The following TINAG variants were observed in gnomAD, a reference collection of about 807,000 sequenced individuals.
TINAG encodes the protein tubulointerstitial nephritis antigen.
A neutral mutation model predicts 72.7 loss-of-function variants in TINAG; 83 were observed. That is an observed-to-expected ratio of 1.14 (90% CI 0.96 to 1.37). The LOEUF (loss-of-function observed/expected upper bound fraction) is 1.37. Among genes scored for constraint, TINAG ranks in the 40% most tolerant of loss-of-function variants. The pLI is 0.00. For missense variants in TINAG, 685 were observed against 576.6 expected (o/e 1.19, Z -1.93); for synonymous variants, 234 against 189.9 (o/e 1.23, Z -1.91).
chr6:54,333,619 A>T (rs55867762), intron 4 of TINAG, among the ~76,000 whole-genome samples: 39,128 of 151,150 alleles, frequency 0.26, 6,913 homozygotes, highest in East Asian at 0.54. Context: ...AGTATAATAA[A>T]AAAAAAAAAA....
intron 1 of TINAG, among the ~76,000 whole-genome samples, chr6:54,311,400 A>C (rs1211397220): frequency 6.6e-6 from 1 of 152,160 alleles, no homozygotes; most frequent in Non-Finnish European, 1.5e-5. Flanking sequence ...ACTGACTTGC[A>C]TGATATGGCA....
upstream of TINAG, chr6:54,308,415 C>T: frequency 1.4e-6 from 1 of 694,656 alleles, no homozygotes; most frequent in Non-Finnish European, 2.4e-6. Context: ...GAAGTATACT[C>T]ATTCAAGTAA....
intron 10 of TINAG, among the ~76,000 whole-genome samples, chr6:54,385,608 T>C (rs1764075314): frequency 6.6e-6 from 1 of 152,010 alleles, no homozygotes; most frequent in African/African-American, 2.4e-5. Context: ...TTTCAGGGAA[T>C]AGGAAATAAG....
intron 6 of TINAG, among the ~76,000 whole-genome samples, 154 bp downstream of exon 6, chr6:54,347,671 C>G (rs549399328): frequency 3.9e-4 from 60 of 152,146 alleles, no homozygotes; most frequent in East Asian, 5.8e-4. Flanking sequence ...TAAATGTATA[C>G]TATATTTCTT....
At chr6:54,352,134 A>G (rs1785280526) in intron 8 of TINAG, among the ~76,000 whole-genome samples, 1 of 151,854 alleles carries the variant, frequency 6.6e-6, no homozygotes, top group Non-Finnish European at 1.5e-5. Flanking sequence ...AATGAGGTCT[A>G]AAATGAAAAT....
chr6:54,358,641 C>A (rs545239863), intron 9 of TINAG, among the ~76,000 whole-genome samples: 3 of 151,676 alleles, frequency 2.0e-5, no homozygotes, highest in Admixed American at 6.6e-5. Context: ...TCAGATCAAC[C>A]TTTGCTGTTA....
In TINAG at chr6:54,343,266, T is replaced by G; in HGVS notation, c.665T>G (p.Val222Gly). 6.3e-7 allele frequency: 1 copy of G among 1,585,386 alleles called. No homozygotes were observed. The highest frequency in any genetic ancestry group is 8.6e-7 in the Non-Finnish European group (1 of 1,163,968). The change falls in exon 5 of 11, where the codon GTT becomes GGT. Residue 222 changes from valine (V) to glycine (G), a missense_variant. Transcript: ENST00000259782. ...ACAACTGATCTTCCAGAGTTTTTTG[T>G]TGCTTCTTATAAATGGCCTGGATGG... ...PATTDLPEFF[V>G]ASYKWPGWTH...
At chr6:54,362,145 A>G (rs1763256340) in intron 9 of TINAG, among the ~76,000 whole-genome samples, 1 of 151,742 alleles carries the variant, frequency 6.6e-6, no homozygotes, top group South Asian at 2.1e-4. Flanking sequence ...TGGCTACACT[A>G]AATAACAGAC....
At chr6:54,330,694 CAGAT>C (rs1419752033) in intron 4 of TINAG, among the ~76,000 whole-genome samples, 2 of 151,970 alleles carry the variant, frequency 1.3e-5, no homozygotes, top group Admixed American at 6.6e-5. Flanking sequence ...ATTAACAAAA[CAGAT>C]AGACCGCTAG....
chr6:54,329,524 C>A (rs1003329701), intron 4 of TINAG, among the ~76,000 whole-genome samples: 2 of 152,082 alleles, frequency 1.3e-5, no homozygotes, highest in African/African-American at 4.8e-5. Context: ...AAAAACATAT[C>A]AAAATTTAAA....
chr6:54,345,778 A>G (rs1271580279), intron 5 of TINAG, among the ~76,000 whole-genome samples: 1 of 152,094 alleles, frequency 6.6e-6, no homozygotes, highest in Non-Finnish European at 1.5e-5. Flanking sequence ...TTGAGCATCT[A>G]AAGGATGCCA....
At chr6:54,336,131 CCTT>C (rs1449128418) in intron 4 of TINAG, among the ~76,000 whole-genome samples, 2 of 152,104 alleles carry the variant, frequency 1.3e-5, no homozygotes, top group African/African-American at 2.4e-5. Flanking sequence ...ACCTCAGTCT[CCTT>C]CTGCACAAAA....
intron 9 of TINAG, among the ~76,000 whole-genome samples, chr6:54,370,979 A>G (rs748720638): frequency 2.0e-5 from 3 of 152,158 alleles, no homozygotes; most frequent in Non-Finnish European, 4.4e-5. Flanking sequence ...ACAAAGCAAG[A>G]CAAGGCAAAT....
At chr6:54,344,282 A>T (rs1785068623) in intron 5 of TINAG, among the ~76,000 whole-genome samples, 1 of 152,176 alleles carries the variant, frequency 6.6e-6, no homozygotes, top group Admixed American at 6.6e-5. Flanking sequence ...CCATAGTATC[A>T]ATCAGACAAC....
chr6:54,389,987 A>T lies in TINAG; in HGVS notation c.*62A>T. The T allele has an allele frequency of 6.3e-7, 1 of 1,574,910 alleles. No homozygotes were observed. The highest frequency in any genetic ancestry group is 8.6e-7 in the Non-Finnish European group (1 of 1,164,146). ...TAACCCCCTAAATTGAAGTTTAGCAATATGACATTCTTGGTGACAGTGGAA... is the reference window on the plus strand; with the variant it reads ...TAACCCCCTAAATTGAAGTTTAGCATTATGACATTCTTGGTGACAGTGGAA... On this transcript the variant is annotated 3_prime_UTR_variant, in exon 11 of 11. Transcript: ENST00000259782.
intron 9 of TINAG, among the ~76,000 whole-genome samples, chr6:54,360,915 A>G (rs1199256807): frequency 7.8e-6 from 1 of 127,688 alleles, no homozygotes; most frequent in African/African-American, 3.0e-5. Context: ...GAAAGTCTGA[A>G]GGTATCATCT....
At chr6:54,387,444 C>A (rs1467785454) in intron 10 of TINAG, among the ~76,000 whole-genome samples, 1 of 150,538 alleles carries the variant, frequency 6.6e-6, no homozygotes, top group Non-Finnish European at 1.5e-5. Context: ...TAGATGAATC[C>A]CAGAAACATT....
intron 4 of TINAG, among the ~76,000 whole-genome samples, chr6:54,342,949 A>G (rs1436580665): frequency 6.6e-6 from 1 of 152,154 alleles, no homozygotes; most frequent in Non-Finnish European, 1.5e-5. Context: ...TCAAGGTGAT[A>G]GAAACATTGG....
chr6:54,327,124 G>C, intron 4 of TINAG: 1 of 1,549,234 alleles, frequency 6.5e-7, no homozygotes, highest in Non-Finnish European at 8.7e-7. Flanking sequence ...TTACCAATTA[G>C]ACATAGTCTC....
Sources: gnomAD v4.1 joint callset for allele counts (sites outside exome capture counted in the v4.1 genomes callset) on GRCh38, gnomAD v4.1.1 for gene constraint, MANE v1.5 for transcripts, NCBI Gene and HGNC (gene_info 2026-07-23, HGNC 2026-07-21) for gene names.